The following ATG4B variants were observed in gnomAD, a reference collection of about 807,000 sequenced individuals.
ATG4B encodes the protein cysteine protease ATG4B.
ATG4B carries 29 observed loss-of-function variants against 56.6 expected under a neutral mutation model. The observed-to-expected ratio is 0.51, with a 90% CI of 0.38 to 0.70. The LOEUF is 0.70. Ranked by LOEUF, ATG4B falls within the 30% of genes least tolerant of loss-of-function variation. The pLI is 0.00. For missense variants in ATG4B, 461 were observed against 515.5 expected, an observed-to-expected ratio of 0.89 and a Z score of 1.02; for synonymous variants, 224 against 206.1, an observed-to-expected ratio of 1.09 and a Z score of -0.74.
chr2:241,649,040 C>A, intron 1 of ATG4B, among the ~76,000 whole-genome samples: 1 of 152,224 alleles, frequency 6.6e-6, no homozygotes, highest in East Asian at 1.9e-4. Flanking sequence ...TATGCTGAGG[C>A]TGTCCTGTTG....
At chr2:241,649,517 C>A (rs2068166169) in intron 1 of ATG4B, among the ~76,000 whole-genome samples, 1 of 152,192 alleles carries the variant, frequency 6.6e-6, no homozygotes, top group African/African-American at 2.4e-5. Flanking sequence ...GATCAGACAC[C>A]ATCAGAGCTG....
rs1559255519 is a variant in ATG4B at position 241,651,893 on chromosome 2, ATTG to A, written c.184+563_184+565del. 7.7e-7 allele frequency: 1 copy of A among 1,303,944 alleles called. No homozygotes were observed. The highest frequency in any genetic ancestry group is 1.0e-6 in the Non-Finnish European group (1 of 988,716). 80.8% of individuals were successfully genotyped at this position (1,303,944 alleles called of 1,614,324 possible). ...TGCATTCTGTTAAAAGCCATTCATC[ATTG>A]TTGTATACCCTGGAGCTGGAAGGAG... On this transcript the variant is annotated intron_variant, in intron 3 of 12. Coordinates refer to ENST00000404914, the MANE Select transcript of ATG4B (RefSeq NM_013325.5). The surrounding 1 kb of genome is among the most constrained non-coding windows in gnomAD (Gnocchi z 4.1).
intron 6 of ATG4B, among the ~76,000 whole-genome samples, chr2:241,656,506 G>A (rs1485035554): frequency 2.6e-5 from 4 of 152,100 alleles, no homozygotes; most frequent in East Asian, 1.9e-4. Context: ...AGTCAGCGCT[G>A]TTTCTCTGGA....
At chr2:241,647,011 T>C (rs2068080675) in intron 1 of ATG4B, among the ~76,000 whole-genome samples, 1 of 152,104 alleles carries the variant, frequency 6.6e-6, no homozygotes, top group Non-Finnish European at 1.5e-5. Context: ...CTCCAACTCC[T>C]GACCTCAGGT....
chr2:241,665,706 G>C (rs1184013713), intron 7 of ATG4B, among the ~76,000 whole-genome samples: 4 of 152,220 alleles, frequency 2.6e-5, no homozygotes, highest in Non-Finnish European at 4.4e-5. Flanking sequence ...TGTAATTAAT[G>C]AATAATCCAG....
chr2:241,654,469 C>T, intron 4 of ATG4B, 77 bp from the exon 5 acceptor site: 1 of 732,196 alleles, frequency 1.4e-6, no homozygotes, highest in Non-Finnish European at 2.3e-6. Context: ...TGGATGCCAT[C>T]TGTATCTTTA....
chr2:241,668,495 C>G lies in ATG4B; in HGVS notation c.812-45C>G, dbSNP rs376270602. ...ATGCGGCCTCCTCTGTCCCTTTCCTCTGCCGGCTCGGCCACCCACCTGCCC... is the reference window on the plus strand; with the variant it reads ...ATGCGGCCTCCTCTGTCCCTTTCCTGTGCCGGCTCGGCCACCCACCTGCCC... On this transcript the variant is annotated intron_variant, in intron 9 of 12. Transcript: ENST00000404914. The surrounding 1 kb of genome is among the most constrained non-coding windows in gnomAD (Gnocchi z 4.2). 1 of 1,587,092 alleles carries G rather than the reference C, an allele frequency of 6.3e-7. No homozygotes were observed. The highest frequency in any genetic ancestry group is 1.3e-5 in the African/African-American group (1 of 74,346).
At chr2:241,646,781 CTTTT>C (rs35123109) in intron 1 of ATG4B, among the ~76,000 whole-genome samples, 20 of 122,794 alleles carry the variant, frequency 1.6e-4, no homozygotes, top group African/African-American at 1.3e-4. Flanking sequence ...GTATTCAATG[CTTTT>C]TTTTTTTTTT....
chr2:241,669,236 C>A (rs955615690), intron 10 of ATG4B, among the ~76,000 whole-genome samples: 1 of 152,172 alleles, frequency 6.6e-6, no homozygotes, highest in Non-Finnish European at 1.5e-5. Flanking sequence ...GACCTGCCTG[C>A]CCTCAAATAT....
At chr2:241,661,915 C>T (rs1197051815) in intron 7 of ATG4B, among the ~76,000 whole-genome samples, 1 of 152,158 alleles carries the variant, frequency 6.6e-6, no homozygotes, top group Non-Finnish European at 1.5e-5. Flanking sequence ...GAAAACGTGT[C>T]AGTCTGGCAG....
chr2:241,653,370 G>A, intron 3 of ATG4B, 142 bp from the exon 4 acceptor site: 1 of 1,550,564 alleles, frequency 6.4e-7, no homozygotes, highest in East Asian at 2.4e-5. Context: ...GTCCTAAGAG[G>A]TGTGTGTTGC....
At chr2:241,639,404 C>A (rs910623300) in intron 1 of ATG4B, among the ~76,000 whole-genome samples, 1 of 152,224 alleles carries the variant, frequency 6.6e-6, no homozygotes, top group Admixed American at 6.5e-5. Context: ...GGGGCTGGCT[C>A]CGTCCCCGCT....
intron 6 of ATG4B, among the ~76,000 whole-genome samples, chr2:241,658,044 A>G (rs1207503118): frequency 2.0e-5 from 3 of 152,248 alleles, no homozygotes; most frequent in Middle Eastern, 3.4e-3. Context: ...CCCTGTGGCT[A>G]CGTTAGTAGT....
At chr2:241,664,665 T>C (rs867291735) in intron 7 of ATG4B, among the ~76,000 whole-genome samples, 2 of 151,874 alleles carry the variant, frequency 1.3e-5, no homozygotes, top group South Asian at 4.2e-4. Flanking sequence ...TCCCTCTCTA[T>C]AAGAAATAGA....
At chr2:241,656,845 G>C (rs976096559) in intron 6 of ATG4B, among the ~76,000 whole-genome samples, 4 of 152,250 alleles carry the variant, frequency 2.6e-5, no homozygotes, top group African/African-American at 9.6e-5. Flanking sequence ...ACGGAGTCTC[G>C]CTCTGTCGCC....
chr2:241,659,488 G>A (rs980556447), intron 7 of ATG4B: 4 of 423,784 alleles, frequency 9.4e-6, no homozygotes, highest in Middle Eastern at 3.9e-4. Context: ...AGGCGCCCTC[G>A]TGTGGGAATT....
chr2:241,658,136 G>T (rs889559160), intron 6 of ATG4B, among the ~76,000 whole-genome samples: 2 of 152,208 alleles, frequency 1.3e-5, no homozygotes, highest in African/African-American at 4.8e-5. Context: ...TTTGCCCTCC[G>T]CCAGGTCAGC....
intron 10 of ATG4B, among the ~76,000 whole-genome samples, chr2:241,669,768 A>C (rs529646633): frequency 3.9e-5 from 6 of 152,292 alleles, no homozygotes; most frequent in Admixed American, 3.9e-4. Flanking sequence ...CGGCCTCCCA[A>C]AGTGCTGGGA....
Position 241,666,731 on chromosome 2 carries a change from G to C in ATG4B, c.625G>C (p.Gly209Arg), listed in dbSNP as rs368701580. The change falls in exon 8 of 13, where the codon GGA becomes CGA. Residue 209 changes from glycine (G) to arginine (R), a missense_variant. Gly to Arg is a moderately radical substitution (Grantham distance 125). Coordinates refer to ENST00000404914, the MANE Select transcript of ATG4B (RefSeq NM_013325.5). ...CCGGCACTGCAACGGATTCCCTGCC[G>C]GAGCTGAGGTCACCAACAGGCCGTC... The part of the protein sequence containing the change: ...SDRHCNGFPA[G>R]AEVTNRPSPW... 2 of 1,611,336 alleles carry C rather than the reference G, an allele frequency of 1.2e-6. No individual in the cohort carries two copies. Among genetic ancestry groups the C allele is most frequent in the South Asian group, 2.2e-5 (2 of 90,466 alleles).
Sources: gnomAD v4.1 joint callset for allele counts (sites outside exome capture counted in the v4.1 genomes callset) on GRCh38, gnomAD v4.1.1 for gene constraint, Gnocchi (gnomAD v3.1) non-coding constraint, MANE v1.5 for transcripts, NCBI Gene and HGNC (gene_info 2026-07-23, HGNC 2026-07-21) for gene names.